Variants in INPP5D observed in about 807,000 individuals in gnomAD.
INPP5D encodes phosphatidylinositol 3,4,5-trisphosphate 5-phosphatase 1.
Under a neutral mutation model 122.9 loss-of-function variants are expected in INPP5D, and 33 were observed. The ratio of observed to expected loss-of-function variants is 0.27; its 90% CI spans 0.20 to 0.36. INPP5D has a LOEUF of 0.36. Among genes scored for constraint, INPP5D ranks in the 10% least tolerant of loss-of-function variants. INPP5D has a pLI of 1.00. For synonymous variants in INPP5D, 584 were observed against 576.2 expected (o/e 1.01, Z -0.19); for missense variants, 1,053 against 1,412.7 (o/e 0.75, Z 4.08).
intron 5 of INPP5D, among the ~76,000 whole-genome samples, chr2:233,139,466 CTGTGTGTGTGTGTGTGTG>C (rs1191977468): frequency 4.7e-5 from 7 of 147,440 alleles, no homozygotes; most frequent in Admixed American, 1.4e-4. Flanking sequence ...TTGTTAACAC[CTGTGTGTGTGTGTGTGTG>C]TGTGTGTGTG....
intron 5 of INPP5D, among the ~76,000 whole-genome samples, chr2:233,131,854 C>A (rs963596146): frequency 6.6e-6 from 1 of 152,172 alleles, no homozygotes; most frequent in Non-Finnish European, 1.5e-5. Flanking sequence ...GGGGCTGTTT[C>A]AATCTTAGCT....
chr2:233,096,832 T>A (rs1255068062), intron 2 of INPP5D, among the ~76,000 whole-genome samples: 1 of 152,208 alleles, frequency 6.6e-6, no homozygotes, highest in Non-Finnish European at 1.5e-5. Context: ...AAATATTTTC[T>A]CCAGCCTGCA....
At chr2:233,083,474 T>C (rs1013557438) in intron 2 of INPP5D, among the ~76,000 whole-genome samples, 2 of 151,922 alleles carry the variant, frequency 1.3e-5, no homozygotes, top group African/African-American at 4.8e-5. Context: ...TGGGGGAGGG[T>C]TGGGGCAGTG....
At chr2:233,159,959 G>C (rs770445723) in intron 10 of INPP5D, among the ~76,000 whole-genome samples, 3 of 152,106 alleles carry the variant, frequency 2.0e-5, no homozygotes, top group Non-Finnish European at 4.4e-5. Flanking sequence ...AGAGAATGGG[G>C]CCCAGACAGG....
chr2:233,123,122 G>A (rs1461174196), intron 3 of INPP5D, among the ~76,000 whole-genome samples: 1 of 152,042 alleles, frequency 6.6e-6, no homozygotes, highest in Non-Finnish European at 1.5e-5. Flanking sequence ...CATTAAAAGG[G>A]GGAGGGGGAA....
At position 233,206,944 on chromosome 2, in the gene INPP5D, G is replaced by A. The variant is rs1695522406; in HGVS notation, c.*236G>A. On this transcript the variant is annotated 3_prime_UTR_variant, in exon 27 of 27. Transcript: ENST00000445964. The surrounding 1 kb of genome is among the most constrained non-coding windows in gnomAD (Gnocchi z 4.0). ...ACCAGACGGGCAACAAACAGTCTGG[G>A]TCCCCAGCTCGCTCTTGGTACTTGG... 5.8e-6 allele frequency: 3 copies of A among 513,430 alleles called. No individual in the cohort carries two copies. The South Asian group carries it at 6.7e-5, about 11-fold the overall frequency. The allele number at this position is 513,430 out of a possible 1,614,324, so 31.8% of individuals were successfully genotyped here. A position where few individuals can be genotyped will look rare whatever the true frequency, so the allele number is the denominator to read the frequency against.
In INPP5D at chr2:233,130,540, A is replaced by G. The variant is rs769980842; in HGVS notation, c.557A>G (p.Asp186Gly). ...GAAGAGCATCTTAAGGCCATCCAAG[A>G]TTATTTAAGCACTCAGCTCGCCCAG... ...LPEEHLKAIQ[D>G]YLSTQLAQDS... is the part of the protein sequence containing the mutation. The change falls in exon 5 of 27, where the codon GAT becomes GGT. Residue 186 changes from aspartate to glycine, a missense_variant. By Grantham distance (94) the Asp-to-Gly change is moderately conservative. Around this residue, in one of 6 missense-constraint regions of INPP5D, gnomAD observed 196 missense variants for 175.6 expected, o/e 1.12. Coordinates refer to ENST00000445964, the MANE Select transcript of INPP5D (RefSeq NM_001017915.3). 7.4e-6 allele frequency: 12 copies of G among 1,613,994 alleles called. No individual in the cohort carries two copies. Among genetic ancestry groups the G allele is most frequent in the Non-Finnish European group, 1.0e-5 (12 of 1,179,894 alleles).
chr2:233,135,868 C>G (rs1693454009), intron 5 of INPP5D, among the ~76,000 whole-genome samples: 1 of 152,118 alleles, frequency 6.6e-6, no homozygotes, highest in Admixed American at 6.6e-5. Flanking sequence ...AAACAAGAAG[C>G]CTGCAGCTTA....
At chr2:233,099,675 AAGCATTTTTAAAAATTCAG>A (rs1354275066) in intron 2 of INPP5D, among the ~76,000 whole-genome samples, 7 of 152,228 alleles carry the variant, frequency 4.6e-5, no homozygotes, top group Non-Finnish European at 7.3e-5. Flanking sequence ...AACCAGTTAC[AAGCATTTTTAAAAATTCAG>A]AGATTTCTAC....
chr2:233,095,346 G>A (rs954591999), intron 2 of INPP5D, among the ~76,000 whole-genome samples: 10 of 152,154 alleles, frequency 6.6e-5, no homozygotes, highest in African/African-American at 1.9e-4. Flanking sequence ...TTGGCCAGGC[G>A]CAGTGGCCCA....
At chr2:233,201,775 C>G (rs1360383935) in intron 25 of INPP5D, among the ~76,000 whole-genome samples, 1 of 152,196 alleles carries the variant, frequency 6.6e-6, no homozygotes, top group Non-Finnish European at 1.5e-5. Context: ...CTCTTCTCAG[C>G]CCCTGGCCAG....
chr2:233,173,550 A>G (rs1415243744), intron 17 of INPP5D, among the ~76,000 whole-genome samples: 1 of 152,140 alleles, frequency 6.6e-6, no homozygotes, highest in East Asian at 1.9e-4. Flanking sequence ...GTACAGAAAT[A>G]TTTTATTTCT....
rs201621038 is a variant in INPP5D, at chr2:233,163,762, A to G, written c.1296A>G (p.Gly432=). The change falls in exon 12 of 27, where the codon GGA becomes GGG. Residue 432 remains glycine, a synonymous_variant. Transcript: ENST00000445964. The part of the protein sequence containing the change: ...ITSWFLSKGQ[G]KTRDDSADYI... ...CCTGGTTTCTCTCCAAGGGGCAGGG[A>G]AAGACGCGGGACGACTCTGCGGACT... The G allele has an allele frequency of 3.5e-4, 572 of 1,613,772 alleles. 4 individuals carry two copies. The highest frequency in any genetic ancestry group is 1.6e-4 in the Middle Eastern group (1 of 6,084).
At chr2:233,133,436 A>G (rs10933435) in intron 5 of INPP5D, among the ~76,000 whole-genome samples, 71,728 of 151,922 alleles carry the variant, frequency 0.47, 17,372 homozygotes, top group African/African-American at 0.55. Flanking sequence ...CTCAAGGAAC[A>G]GGAAGTCTGT....
At position 233,177,394 on chromosome 2, in the gene INPP5D, C is replaced by G. The variant is rs753742968; in HGVS notation, c.2071+48C>G. 6.2e-7 allele frequency: 1 copy of G among 1,612,524 alleles called. No homozygotes were observed. The highest frequency in any genetic ancestry group is 1.3e-5 in the African/African-American group (1 of 74,822). ...GCAGAACAGGATCAGAGAATGGCAC[C>G]AAGCTGGGAGGTGTGACTGCCCTAA... On this transcript the variant is annotated intron_variant, in intron 18 of 26. Coordinates refer to ENST00000445964, the MANE Select transcript of INPP5D (RefSeq NM_001017915.3). The surrounding 1 kb of genome is among the most constrained non-coding windows in gnomAD (Gnocchi z 4.2).
rs970401865 is a variant in INPP5D, at chr2:233,174,179, C to T, written c.1989+3027C>T. Among the ~76,000 whole-genome samples the T allele has an allele frequency of 5.3e-5, 8 of 152,196 alleles. No individual in the cohort carries two copies. In the East Asian group the frequency reaches 7.7e-4, roughly 15 times the overall value. On this transcript the variant is annotated intron_variant, in intron 17 of 26. Coordinates refer to ENST00000445964, the MANE Select transcript of INPP5D (RefSeq NM_001017915.3). ...AATACACTCTAATGATAAATAATAT[C>T]GTAAACACGGAAATGAGTGACAGTT...
At chr2:233,180,898 T>C (rs1694767712) in intron 18 of INPP5D, among the ~76,000 whole-genome samples, 1 of 151,984 alleles carries the variant, frequency 6.6e-6, no homozygotes, top group African/African-American at 2.4e-5. Flanking sequence ...GATCTCGAAC[T>C]CCTGGCCTCA....
At chr2:233,155,716 A>G (rs1216504872) in intron 9 of INPP5D, among the ~76,000 whole-genome samples, 2 of 152,110 alleles carry the variant, frequency 1.3e-5, no homozygotes, top group African/African-American at 2.4e-5. Flanking sequence ...AGTGTCAGTA[A>G]GAGAAAACAG....
chr2:233,065,307 GTTTTTTTT>G (rs376982879), intron 1 of INPP5D, among the ~76,000 whole-genome samples: 2 of 116,976 alleles, frequency 1.7e-5, no homozygotes, highest in Non-Finnish European at 3.3e-5. Flanking sequence ...CACTTCTTGG[GTTTTTTTT>G]TTTTTTTTTT....
Sources: allele counts gnomAD v4.1 joint callset (sites outside exome capture counted in the v4.1 genomes callset), GRCh38; gene constraint gnomAD v4.1.1; regional missense constraint gnomAD v4.1.1; non-coding constraint Gnocchi (gnomAD v3.1); transcripts MANE v1.5; gene names NCBI Gene and HGNC (gene_info 2026-07-23, HGNC 2026-07-21).